The following TARBP1 variants were observed in gnomAD, a reference collection of about 807,000 sequenced individuals.
TARBP1 encodes tRNA (guanosine(18)-2'-O)-methyltransferase TARBP1.
A neutral mutation model predicts 178.6 loss-of-function variants in TARBP1; 144 were observed. The ratio of observed to expected loss-of-function variants is 0.81; its 90% CI spans 0.70 to 0.93. The LOEUF is 0.93. Among genes scored for constraint, TARBP1 ranks in the 40% least tolerant of loss-of-function variants. The pLI, the probability that TARBP1 is intolerant of heterozygous loss-of-function variation, is 0.00. For missense variants in TARBP1, 2,067 were observed against 2,011.7 expected, an observed-to-expected ratio of 1.03 and a Z score of -0.53; for synonymous variants, 787 against 781.0, an observed-to-expected ratio of 1.01 and a Z score of -0.13.
chr1:234,405,807 G>A, intron 24 of TARBP1, 96 bp downstream of exon 24: 1 of 1,188,312 alleles, frequency 8.4e-7, no homozygotes, highest in East Asian at 2.3e-5. Flanking sequence ...GCATGAGGAT[G>A]TGGAAGGAGA....
chr1:234,394,013 AT>A (rs1408704455), intron 26 of TARBP1, among the ~76,000 whole-genome samples, 176 bp from the exon 27 acceptor site: 2 of 152,216 alleles, frequency 1.3e-5, no homozygotes, highest in Non-Finnish European at 2.9e-5. Context: ...CACAATTCCC[AT>A]TTGTAGTAGT....
At chr1:234,413,646 A>G (rs1662098249) in intron 22 of TARBP1, among the ~76,000 whole-genome samples, 1 of 152,190 alleles carries the variant, frequency 6.6e-6, no homozygotes, top group Admixed American at 6.5e-5. Context: ...CGAGGAGCAT[A>G]GTCTTCATCC....
intron 2 of TARBP1, among the ~76,000 whole-genome samples, chr1:234,471,983 G>T (rs1669105164): frequency 6.6e-6 from 1 of 152,264 alleles, no homozygotes; most frequent in Non-Finnish European, 1.5e-5. Context: ...GGAAACCATG[G>T]TTCTCAAAGT....
intron 25 of TARBP1, among the ~76,000 whole-genome samples, chr1:234,399,230 G>A (rs1001335169): frequency 6.6e-6 from 1 of 152,224 alleles, no homozygotes; most frequent in African/African-American, 2.4e-5. Flanking sequence ...CAAGTACATA[G>A]GAAGCAGAGG....
intron 3 of TARBP1, 116 bp from the exon 4 acceptor site, chr1:234,467,766 G>A (rs57114612): frequency 0.06 from 67,053 of 1,110,380 alleles, 4,494 homozygotes; most frequent in East Asian, 0.34. Context: ...AACACTACAA[G>A]AAGTTTTTGT....
At chr1:234,406,256 C>A in intron 23 of TARBP1, 157 bp from the exon 24 acceptor site, 1 of 648,254 alleles carries the variant, frequency 1.5e-6, no homozygotes, top group Non-Finnish European at 2.6e-6. Flanking sequence ...CCCTCCTGGT[C>A]AAATGCGGTG....
chr1:234,462,549 C>T (rs532308271), intron 6 of TARBP1, among the ~76,000 whole-genome samples: 11 of 152,122 alleles, frequency 7.2e-5, no homozygotes, highest in East Asian at 5.8e-4. Context: ...ATTAGCTGGG[C>T]GTGGTGGCGC....
chr1:234,402,481 C>T (rs573402645), intron 24 of TARBP1, among the ~76,000 whole-genome samples: 6 of 152,096 alleles, frequency 3.9e-5, no homozygotes, highest in African/African-American at 9.6e-5. Context: ...TTAAATATTC[C>T]GAATATTCAG....
Position 234,477,121 on chromosome 1 carries a change from G to C in TARBP1, c.931+1052C>G, listed in dbSNP as rs370449822. ...AACCGCTTGAACCCGGGAAGTGCAG[G>C]TTGCGGTGAGCGGAGATTGTGCCAT... On this transcript the variant is annotated intron_variant, in intron 1 of 29. Transcript: ENST00000040877. Among the ~76,000 whole-genome samples the C allele has an allele frequency of 2.8e-4, 43 of 152,336 alleles. No homozygotes were observed. In the East Asian group the frequency reaches 6.0e-3, roughly 21 times the overall value.
intron 9 of TARBP1, among the ~76,000 whole-genome samples, 189 bp from the exon 10 acceptor site, chr1:234,450,755 T>C (rs1413709214): frequency 6.7e-6 from 1 of 150,304 alleles, no homozygotes; most frequent in Non-Finnish European, 1.5e-5. Context: ...TGTGTATATA[T>C]ATTTATGTAT....
intron 23 of TARBP1, chr1:234,407,352 T>TTTTTTTTTTTTTTTTTTTTTTTTTTTA (rs1184926764): frequency 4.0e-5 from 6 of 150,620 alleles, no homozygotes; most frequent in African/African-American, 1.5e-4. Flanking sequence ...TTTTTTTTTT[T>TTTTTTTTTTTTTTTTTTTTTTTTTTTA]TTTGAGATGG....
intron 20 of TARBP1, among the ~76,000 whole-genome samples, chr1:234,424,277 T>A (rs1214720897): frequency 1.3e-5 from 2 of 152,200 alleles, no homozygotes; most frequent in Non-Finnish European, 2.9e-5. Flanking sequence ...AAACATTACA[T>A]GGGGAACAGA....
chr1:234,442,899 C>T (rs1665737292), intron 12 of TARBP1, among the ~76,000 whole-genome samples: 2 of 152,140 alleles, frequency 1.3e-5, no homozygotes, highest in Admixed American at 1.3e-4. Context: ...GCCTCTATCT[C>T]ACCCTCAAGG....
At chr1:234,478,116 TC>T in intron 1 of TARBP1, 56 bp downstream of exon 1, 1 of 1,544,952 alleles carries the variant, frequency 6.5e-7, no homozygotes, top group South Asian at 1.1e-5. Flanking sequence ...GCAGGAAGAC[TC>T]CCCTCTGGGG....
intron 13 of TARBP1, among the ~76,000 whole-genome samples, chr1:234,434,615 G>C (rs1292808548): frequency 6.6e-6 from 1 of 152,182 alleles, no homozygotes; most frequent in African/African-American, 2.4e-5. Context: ...AACAGTGTGA[G>C]AAATTCGACT....
chr1:234,465,619 T>A, intron 5 of TARBP1, 37 bp downstream of exon 5: 1 of 1,520,528 alleles, frequency 6.6e-7, no homozygotes, highest in Non-Finnish European at 8.8e-7. Flanking sequence ...ACATGAAATG[T>A]ATGTATCAAA....
chr1:234,466,187 A>G (rs1668414574), intron 4 of TARBP1, among the ~76,000 whole-genome samples: 1 of 152,226 alleles, frequency 6.6e-6, no homozygotes, highest in Admixed American at 6.5e-5. Context: ...ATGCATATCA[A>G]TATACCACAG....
At chr1:234,461,337 C>T (rs1039841490) in intron 6 of TARBP1, among the ~76,000 whole-genome samples, 17 of 152,196 alleles carry the variant, frequency 1.1e-4, no homozygotes, top group African/African-American at 3.6e-4. Context: ...CAGAGTCTCA[C>T]TCTGTTGCCC....
At position 234,473,258 on chromosome 1, in the gene TARBP1, G is replaced by A. The variant is rs995254013; in HGVS notation, c.932-447C>T. On this transcript the variant is annotated intron_variant, in intron 1 of 29. Transcript: ENST00000040877. ...TTTGATTTATGCTGCAAAATCCCCC[G>A]GAACCAAAGGAAGTGGCTGCAAAAG... is the stretch of plus-strand genomic sequence containing the variant. Among the ~76,000 whole-genome samples, 8 of 152,166 alleles carry A rather than the reference G, an allele frequency of 5.3e-5. No individual in the cohort carries two copies. In the East Asian group the frequency reaches 5.8e-4, roughly 11 times the overall value.
Sources: allele counts gnomAD v4.1 joint callset (sites outside exome capture counted in the v4.1 genomes callset), GRCh38; gene constraint gnomAD v4.1.1; transcripts MANE v1.5; gene names NCBI Gene and HGNC (gene_info 2026-07-23, HGNC 2026-07-21).